PRXL2A: variants seen among roughly 807,000 people sequenced by gnomAD.
PRXL2A encodes peroxiredoxin like 2A, also known as peroxiredoxin-like 2A.
PRXL2A carries 26 observed loss-of-function variants against 25.6 expected under a neutral mutation model. The observed-to-expected ratio is 1.02, with a 90% CI of 0.74 to 1.41. The LOEUF is 1.41. Ranked by LOEUF, PRXL2A falls within the 40% of genes most tolerant of loss-of-function variation. The pLI, the probability that PRXL2A is intolerant of heterozygous loss-of-function variation, is 0.00. For missense variants in PRXL2A, 246 were observed against 273.9 expected (o/e 0.90, Z 0.72); for synonymous variants, 98 against 102.9 (o/e 0.95, Z 0.29).
intron 5 of PRXL2A, among the ~76,000 whole-genome samples, chr10:80,428,683 A>T (rs1845133974): frequency 6.6e-6 from 1 of 152,128 alleles, no homozygotes; most frequent in Non-Finnish European, 1.5e-5. Flanking sequence ...AAGCAAGTGG[A>T]TGAGGGAAGG....
Position 80,436,260 on chromosome 10 carries a change from G to A in PRXL2A, c.*4161G>A, listed in dbSNP as rs10788620. The A allele has an allele frequency of 0.34, 51,649 of 151,718 alleles. 10,698 individuals are homozygous for A. The highest frequency in any genetic ancestry group is 0.82 in the East Asian group (4,203 of 5,144). The allele number at this position is 151,718 out of a possible 1,614,324, so 9.4% of individuals were successfully genotyped here. ...CTCCCTAGTAGCTGGGACTACAGGC[G>A]TGGACTACCACACCCAACAAATTTT... On this transcript the variant is annotated 3_prime_UTR_variant, in exon 6 of 6. Transcript: ENST00000606162.
rs143497158 is a variant in PRXL2A at position 80,422,499 on chromosome 10, C to T, written c.261C>T (p.Leu87=). Residue 87 remains leucine, a synonymous_variant, in exon 3 of 6, where the codon CTC becomes CTT. Transcript: ENST00000606162. The stretch of plus-strand genomic sequence containing the variant: ...CCGTGCGGAGGCCAGGCTGTTTCCT[C>T]TGTCGAGAGGTGAGTGCAGATGAGG... ...IMAVRRPGCF[L]CREEAADLSS... is the part of the protein sequence containing the mutation. The T allele has an allele frequency of 8.1e-6, 13 of 1,613,696 alleles. No individual in the cohort carries two copies. Among genetic ancestry groups the T allele is most frequent in the South Asian group, 7.7e-5 (7 of 91,072 alleles).
At chr10:80,422,197 A>G (rs1449884261) in intron 2 of PRXL2A, among the ~76,000 whole-genome samples, 2 of 152,194 alleles carry the variant, frequency 1.3e-5, no homozygotes, top group Non-Finnish European at 2.9e-5. Flanking sequence ...CCTACCGGGT[A>G]TATAACAGGA....
chr10:80,415,649 G>C (rs763695991), intron 1 of PRXL2A, among the ~76,000 whole-genome samples: 1 of 152,170 alleles, frequency 6.6e-6, no homozygotes, highest in Non-Finnish European at 1.5e-5. Flanking sequence ...TGTGTACCAG[G>C]TCCATATTTT....
chr10:80,436,699 A>G lies in PRXL2A; in HGVS notation c.*4600A>G, dbSNP rs949552322. On this transcript the variant is annotated 3_prime_UTR_variant, in exon 6 of 6. Coordinates refer to ENST00000606162, the MANE Select transcript of PRXL2A (RefSeq NM_032333.5). ...TAGAAACTAGAATCCCTCTTCCCCA[A>G]GGCAGGTCATCAGAAACCAGAACCG... 1 of 152,286 alleles carries G rather than the reference A, an allele frequency of 6.6e-6. No individual in the cohort carries two copies. The highest frequency in any genetic ancestry group is 2.4e-5 in the African/African-American group (1 of 41,544). The allele number at this position is 152,286 out of a possible 1,614,324, so 9.4% of individuals were successfully genotyped here. A position where few individuals can be genotyped will look rare whatever the true frequency, so the allele number is the denominator to read the frequency against.
At chr10:80,408,181 A>AC (rs1844335340), upstream of PRXL2A, among the ~76,000 whole-genome samples, 1 of 151,890 alleles carries the variant, frequency 6.6e-6, no homozygotes, top group African/African-American at 2.4e-5. Flanking sequence ...AAAAAAAAAA[A>AC]AAAACCTATC....
At chr10:80,420,355 C>T (rs1052906333) in intron 1 of PRXL2A, 111 bp from the exon 2 acceptor site, 50 of 1,487,382 alleles carry the variant, frequency 3.4e-5, no homozygotes, top group Non-Finnish European at 4.4e-5. Flanking sequence ...CTGCTCCCTT[C>T]CCCTGTCCTG....
At position 80,427,334 on chromosome 10, in the gene PRXL2A, A is replaced by G; in HGVS notation, c.414A>G (p.Lys138=). The change falls in exon 5 of 6, where the codon AAA becomes AAG. Residue 138 remains lysine, a splice_region_variant and synonymous_variant. Transcript: ENST00000606162. ...FKGEIFLDEK[K]KFYGPQRRKM... ...GATCTGTCTTTCTCACTCCATAGAA[A>G]AAGTTCTATGGTCCACAAAGGCGGA... is the stretch of plus-strand genomic sequence containing the variant. 1 of 1,613,626 alleles carries G rather than the reference A, an allele frequency of 6.2e-7. No homozygotes were observed. The highest frequency in any genetic ancestry group is 1.3e-5 in the African/African-American group (1 of 74,988).
intron 1 of PRXL2A, among the ~76,000 whole-genome samples, chr10:80,419,759 C>T (rs538428316): frequency 1.3e-5 from 2 of 152,176 alleles, no homozygotes; most frequent in South Asian, 2.1e-4. Context: ...GCTTTCTTAT[C>T]GACTATGGTT....
chr10:80,435,659 G>A lies in PRXL2A; in HGVS notation c.*3560G>A, dbSNP rs1164569455. ...ACCCAACAGATTTTATTTTTGTAGGGATGGGGGTCTCCCTGTATTGCCCAG... is the reference window on the plus strand; with the variant it reads ...ACCCAACAGATTTTATTTTTGTAGGAATGGGGGTCTCCCTGTATTGCCCAG... On this transcript the variant is annotated 3_prime_UTR_variant, in exon 6 of 6. Coordinates refer to ENST00000606162, the MANE Select transcript of PRXL2A (RefSeq NM_032333.5). 1.3e-5 allele frequency: 2 copies of A among 151,748 alleles called. No individual in the cohort carries two copies. Among genetic ancestry groups the A allele is most frequent in the Non-Finnish European group, 2.9e-5 (2 of 68,034 alleles). 9.4% of individuals were successfully genotyped at this position (151,748 alleles called of 1,614,324 possible).
chr10:80,421,498 G>A (rs527737926), intron 2 of PRXL2A, among the ~76,000 whole-genome samples: 52 of 152,294 alleles, frequency 3.4e-4, no homozygotes, highest in African/African-American at 1.2e-3. Flanking sequence ...GGAAGCTTGC[G>A]AAAGGAAGGC....
intron 1 of PRXL2A, 98 bp downstream of exon 1, chr10:80,408,741 A>AGGGT (rs1287932712): frequency 6.6e-6 from 1 of 152,282 alleles, no homozygotes; most frequent in African/African-American, 2.4e-5. Flanking sequence ...CAGGGCCGGT[A>AGGGT]GGGTGGGTGC....
intron 1 of PRXL2A, among the ~76,000 whole-genome samples, chr10:80,415,395 G>A (rs1439713160): frequency 6.6e-6 from 1 of 152,336 alleles, no homozygotes; most frequent in East Asian, 1.9e-4. Context: ...AGAGGTTTGA[G>A]TTCTCAGGGT....
intron 1 of PRXL2A, among the ~76,000 whole-genome samples, chr10:80,417,421 G>A (rs1265336149): frequency 6.6e-6 from 1 of 152,190 alleles, no homozygotes; most frequent in Non-Finnish European, 1.5e-5. Context: ...GGTTGGGTAA[G>A]GAGCCCTTAG....
In PRXL2A at chr10:80,427,354, G is replaced by A; in HGVS notation, c.434G>A (p.Arg145Lys). 1 of 1,614,078 alleles carries A rather than the reference G, an allele frequency of 6.2e-7. No homozygotes were observed. Among genetic ancestry groups the A allele is most frequent in the Non-Finnish European group, 8.5e-7 (1 of 1,180,002 alleles). The stretch of plus-strand genomic sequence containing the variant: ...TAGAAAAAGTTCTATGGTCCACAAA[G>A]GCGGAAGATGATGTTTATGGGATTT... The part of the protein sequence containing the change: ...DEKKKFYGPQ[R>K]RKMMFMGFIR... The change falls in exon 5 of 6, where the codon AGG becomes AAG. Residue 145 changes from arginine to lysine, a missense_variant. Physicochemically the swap from Arg to Lys is conservative, Grantham distance 26. Coordinates refer to ENST00000606162, the MANE Select transcript of PRXL2A (RefSeq NM_032333.5).
intron 2 of PRXL2A, among the ~76,000 whole-genome samples, chr10:80,421,718 G>C (rs75687068): frequency 0.011 from 1,681 of 151,098 alleles, 39 homozygotes; most frequent in African/African-American, 0.039. Context: ...AAATAATTAA[G>C]GGCTCATATT....
Position 80,424,405 on chromosome 10 carries a change from CAAAAAAAAAAAA to C in PRXL2A, c.271-1443_271-1432del, listed in dbSNP as rs33941883. 1.6e-4 allele frequency among the ~76,000 whole-genome samples: 12 copies of C among 75,068 alleles called. No individual in the cohort carries two copies. In the South Asian group the frequency reaches 4.4e-3, roughly 27 times the overall value. The allele number at this position is 75,068 out of a possible 152,430, so 49.2% of individuals were successfully genotyped here. On this transcript the variant is annotated intron_variant, in intron 3 of 5. Coordinates refer to ENST00000606162, the MANE Select transcript of PRXL2A (RefSeq NM_032333.5). ...GCAACATAGCGAGACCCTGTCTCTA[CAAAAAAAAAAAA>C]AAAAAAAAAAAAAAAAATTAGCCAG...
intron 1 of PRXL2A, among the ~76,000 whole-genome samples, chr10:80,419,280 T>C (rs1472741350): frequency 6.7e-6 from 1 of 150,230 alleles, no homozygotes; most frequent in Non-Finnish European, 1.5e-5. Flanking sequence ...CACCGTGCCC[T>C]GCCAGGACTT....
intron 1 of PRXL2A, among the ~76,000 whole-genome samples, chr10:80,410,892 G>A (rs547776257): frequency 1.3e-4 from 20 of 152,186 alleles, no homozygotes; most frequent in African/African-American, 4.6e-4. Flanking sequence ...GGAAACAAGA[G>A]GACATAATCA....
Sources: allele counts gnomAD v4.1 joint callset (sites outside exome capture counted in the v4.1 genomes callset), GRCh38; gene constraint gnomAD v4.1.1; transcripts MANE v1.5; gene names NCBI Gene and HGNC (gene_info 2026-07-23, HGNC 2026-07-21).